Variants in HCFC2 observed in about 807,000 individuals in gnomAD.
The protein encoded by HCFC2 is host cell factor 2.
In HCFC2, 18 loss-of-function variants were observed where a neutral mutation model predicts 89.2. That is an observed-to-expected ratio of 0.20 (90% CI 0.14 to 0.30). HCFC2 has a LOEUF of 0.30. Among genes scored for constraint, HCFC2 ranks in the 10% least tolerant of loss-of-function variants. The pLI is 1.00. For missense variants in HCFC2, 578 were observed against 956.1 expected (o/e 0.60, Z 5.21); for synonymous variants, 308 against 335.7 (o/e 0.92, Z 0.90).
At chr12:104,102,628 G>T (rs1039582634) in intron 14 of HCFC2, among the ~76,000 whole-genome samples, 42 of 152,128 alleles carry the variant, frequency 2.8e-4, no homozygotes, top group African/African-American at 9.2e-4. Flanking sequence ...CATTTGGCTG[G>T]AGAATTTTAA....
chr12:104,100,384 G>A (rs1299861498), intron 13 of HCFC2, among the ~76,000 whole-genome samples: 6 of 152,034 alleles, frequency 3.9e-5, no homozygotes, highest in African/African-American at 1.2e-4. Flanking sequence ...TTCGAGACCA[G>A]CCTGGGCAAC....
intron 9 of HCFC2, among the ~76,000 whole-genome samples, chr12:104,089,366 A>G (rs1215336076): frequency 3.9e-5 from 6 of 152,018 alleles, no homozygotes; most frequent in African/African-American, 1.4e-4. Flanking sequence ...AATGCAAAAA[A>G]TTAGCCGGGC....
chr12:104,082,464 T>TA (rs1883711915), intron 5 of HCFC2, 36 bp from the exon 6 acceptor site: 1 of 1,305,938 alleles, frequency 7.7e-7, no homozygotes, highest in South Asian at 1.2e-5. Context: ...TAAAATGAAA[T>TA]AAGCTACTTT....
At chr12:104,070,828 G>A (rs1280018031) in intron 3 of HCFC2, among the ~76,000 whole-genome samples, 2 of 132,786 alleles carry the variant, frequency 1.5e-5, no homozygotes, top group South Asian at 2.4e-4. Context: ...TTTTTGAGAC[G>A]GAGTCTCACT....
intron 9 of HCFC2, among the ~76,000 whole-genome samples, chr12:104,092,987 A>G (rs979240594): frequency 3.3e-5 from 5 of 152,116 alleles, no homozygotes; most frequent in Admixed American, 3.3e-4. Flanking sequence ...TATAGCTGAG[A>G]TTTTACTTTT....
At chr12:104,102,585 T>G (rs2029983216) in intron 14 of HCFC2, among the ~76,000 whole-genome samples, 1 of 152,194 alleles carries the variant, frequency 6.6e-6, no homozygotes, top group Non-Finnish European at 1.5e-5. Flanking sequence ...CTGGTATGCT[T>G]CTAAATTTGT....
Position 104,103,744 on chromosome 12 carries a change from G to A in HCFC2, c.*471G>A, listed in dbSNP as rs778155530. ...GTTCCTCTAACAACTGTCTTCTATT[G>A]GATAATATGTGTGATACTATAATAA... On this transcript the variant is annotated 3_prime_UTR_variant, in exon 15 of 15. Coordinates refer to ENST00000229330, the MANE Select transcript of HCFC2 (RefSeq NM_013320.3). The A allele has an allele frequency of 2.0e-5, 3 of 153,066 alleles. No individual in the cohort carries two copies. The highest frequency in any genetic ancestry group is 2.9e-5 in the Non-Finnish European group (2 of 68,740). The allele number at this position is 153,066 out of a possible 1,614,324, so 9.5% of individuals were successfully genotyped here.
rs969796341 is a variant in HCFC2 at position 104,094,883 on chromosome 12, T to C, written c.1463-477T>C. On this transcript the variant is annotated intron_variant, in intron 10 of 14. Transcript: ENST00000229330. ...AATGATTGATGAGGGTCCCAACATA[T>C]AGGGGAAGGAATGGGACCAAGAGTA... 2.0e-5 allele frequency among the ~76,000 whole-genome samples: 3 copies of C among 152,038 alleles called. No individual in the cohort carries two copies. The East Asian group carries it at 5.8e-4, about 29-fold the overall frequency.
At chr12:104,069,525 TAAA>T (rs376922435) in intron 3 of HCFC2, among the ~76,000 whole-genome samples, 7 of 140,446 alleles carry the variant, frequency 5.0e-5, no homozygotes, top group South Asian at 2.3e-4. Flanking sequence ...CCTTTTTTGT[TAAA>T]AAAAAAAAAA....
At chr12:104,088,074 T>C (rs1240908108) in intron 9 of HCFC2, 36 bp downstream of exon 9, 1 of 1,460,384 alleles carries the variant, frequency 6.8e-7, no homozygotes, top group Admixed American at 1.8e-5. Flanking sequence ...ATTGGATGTT[T>C]ATGGTTATAG....
At chr12:104,081,067 G>C (rs570794381) in intron 5 of HCFC2, among the ~76,000 whole-genome samples, 25 of 152,248 alleles carry the variant, frequency 1.6e-4, no homozygotes, top group Non-Finnish European at 2.6e-4. Context: ...CCCAGTGTAG[G>C]CTTTATGTAA....
At chr12:104,080,949 AT>A in intron 5 of HCFC2, 119 bp downstream of exon 5, 1 of 621,174 alleles carries the variant, frequency 1.6e-6, no homozygotes, top group Non-Finnish European at 2.7e-6. Flanking sequence ...ACAAAGTTTG[AT>A]TGTGCTGACT....
chr12:104,093,347 A>G (rs960574750), intron 9 of HCFC2, 39 bp from the exon 10 acceptor site: 1 of 1,397,414 alleles, frequency 7.2e-7, no homozygotes, highest in African/African-American at 1.5e-5. Context: ...TATTTCATTG[A>G]ATATTGCTTA....
rs1379553055 is a variant in HCFC2, at chr12:104,104,254, C to T, written c.*981C>T. 1 of 151,902 alleles carries T rather than the reference C, an allele frequency of 6.6e-6. No individual in the cohort carries two copies. Among genetic ancestry groups the T allele is most frequent in the Admixed American group, 6.6e-5 (1 of 15,260 alleles). The allele number at this position is 151,902 out of a possible 1,614,324, so 9.4% of individuals were successfully genotyped here. A position where few individuals can be genotyped will look rare whatever the true frequency, so the allele number is the denominator to read the frequency against. ...AACATTTGTAAGATTTTTGTAAATG[C>T]TCTAAATGTTTTATTTTTGCATTGT... On this transcript the variant is annotated 3_prime_UTR_variant, in exon 15 of 15. Coordinates refer to ENST00000229330, the MANE Select transcript of HCFC2 (RefSeq NM_013320.3).
chr12:104,102,863 A>G, intron 14 of HCFC2, 96 bp from the exon 15 acceptor site: 1 of 1,050,010 alleles, frequency 9.5e-7, no homozygotes. Context: ...TTTAGTAAAA[A>G]TGAACATTTT....
At chr12:104,071,152 A>G (rs972245580) in intron 3 of HCFC2, among the ~76,000 whole-genome samples, 5 of 152,174 alleles carry the variant, frequency 3.3e-5, no homozygotes, top group Non-Finnish European at 7.3e-5. Context: ...TTTTTCCATT[A>G]AACAGATTTT....
In HCFC2 at chr12:104,105,840, T is replaced by C. The variant is rs1480790444; in HGVS notation, c.*2567T>C. 6 of 152,034 alleles carry C rather than the reference T, an allele frequency of 3.9e-5. No individual in the cohort carries two copies. The highest frequency in any genetic ancestry group is 3.9e-4 in the Admixed American group (6 of 15,258). The allele number at this position is 152,034 out of a possible 1,614,324, so 9.4% of individuals were successfully genotyped here. On this transcript the variant is annotated 3_prime_UTR_variant, in exon 15 of 15. Coordinates refer to ENST00000229330, the MANE Select transcript of HCFC2 (RefSeq NM_013320.3). Reference sequence around the variant, plus strand: ...GCAGTAGGCTGTATCATGCAGATATTTTTCATAGGATTTGCACTGAGTTAA... The same window carrying C: ...GCAGTAGGCTGTATCATGCAGATATCTTTCATAGGATTTGCACTGAGTTAA...
Position 104,103,295 on chromosome 12 carries a change from A to G in HCFC2, c.*22A>G, listed in dbSNP as rs371832373. The G allele has an allele frequency of 1.9e-6, 3 of 1,560,220 alleles. No homozygotes were observed. The highest frequency in any genetic ancestry group is 1.4e-5 in the African/African-American group (1 of 73,624). ...TTGAATTGGTTTTTTTACTGAAGCT[A>G]TTGTGATGATGATTATTTATTAGTA... On this transcript the variant is annotated 3_prime_UTR_variant, in exon 15 of 15. Transcript: ENST00000229330.
chr12:104,095,419 A>G lies in HCFC2; in HGVS notation c.1522A>G (p.Ile508Val). The G allele has an allele frequency of 1.2e-6, 2 of 1,613,804 alleles. No individual in the cohort carries two copies. Among genetic ancestry groups the G allele is most frequent in the Non-Finnish European group, 1.7e-6 (2 of 1,179,788 alleles). Reference protein sequence around the residue: ...LSSCLDVRTVIPETSVSSTVS... With the variant: ...LSSCLDVRTVVPETSVSSTVS... ...TAGTTGCCTGGATGTAAGAACAGTA[A>G]TTCCTGAAACATCTGTATCCAGTAC... The change falls in exon 11 of 15, where the codon ATT becomes GTT. Residue 508 changes from isoleucine (I) to valine (V), a missense_variant. Coordinates refer to ENST00000229330, the MANE Select transcript of HCFC2 (RefSeq NM_013320.3). This position sits in a 1 kb window ranked among gnomAD's most constrained non-coding sequence, Gnocchi z 4.2.
Sources: gnomAD v4.1 joint callset for allele counts (sites outside exome capture counted in the v4.1 genomes callset) on GRCh38, gnomAD v4.1.1 for gene constraint, Gnocchi (gnomAD v3.1) non-coding constraint, MANE v1.5 for transcripts, NCBI Gene and HGNC (gene_info 2026-07-23, HGNC 2026-07-21) for gene names.